Variants in CUL9 observed in about 807,000 individuals in gnomAD.
CUL9 encodes the protein cullin-9.
A neutral mutation model predicts 272.6 loss-of-function variants in CUL9; 79 were observed. The ratio of observed to expected loss-of-function variants is 0.29; its 90% CI spans 0.24 to 0.35. The LOEUF is 0.35. CUL9 is among the 10% of genes least tolerant of loss of function. The probability of loss-of-function intolerance (pLI) is 1.00; values close to 1 mark genes in which losing one functional copy is unlikely to be tolerated. For missense variants in CUL9, 2,532 were observed against 3,255.6 expected, an observed-to-expected ratio of 0.78 and a Z score of 5.41; for synonymous variants, 1,186 against 1,286.5, an observed-to-expected ratio of 0.92 and a Z score of 1.67.
At chr6:43,192,900 C>G in intron 8 of CUL9, 101 bp from the exon 9 acceptor site, 1 of 1,002,660 alleles carries the variant, frequency 1.0e-6, no homozygotes, top group Non-Finnish European at 1.5e-6. Context: ...TGGACTAGAT[C>G]TTGGTGGATG....
In CUL9 at chr6:43,200,971, C is replaced by CA. The variant is rs1774474177; in HGVS notation, c.3647+138dup. On this transcript the variant is annotated intron_variant, in intron 16 of 40. Coordinates refer to ENST00000252050, the MANE Select transcript of CUL9 (RefSeq NM_015089.4). The surrounding 1 kb of genome is among the most constrained non-coding windows in gnomAD (Gnocchi z 4.0). ...CTATTTTGTGCAGTGAACACATAGA[C>CA]ACATTGACCTGCCTTTGCTGAGTAT... is the stretch of plus-strand genomic sequence containing the variant. The CA allele has an allele frequency of 9.3e-7, 1 of 1,078,562 alleles. No individual in the cohort carries two copies. The highest frequency in any genetic ancestry group is 1.6e-5 in the African/African-American group (1 of 64,388). The allele number at this position is 1,078,562 out of a possible 1,614,324, so 66.8% of individuals were successfully genotyped here.
chr6:43,188,575 T>C lies in CUL9; in HGVS notation c.2040T>C (p.His680=), dbSNP rs778781088. ...GPGPRSSLDQ[H]VAAVVATVQI... ...GTCCTCGCAGCTCCCTGGATCAGCA[T>C]GTGGCAGCGGTCGTGGCCACTGTGC... The change falls in exon 8 of 41, where the codon CAT becomes CAC. Residue 680 remains histidine (H), a synonymous_variant. Transcript: ENST00000252050. The C allele has an allele frequency of 1.4e-5, 23 of 1,614,136 alleles. No homozygotes were observed. Among genetic ancestry groups the C allele is most frequent in the East Asian group, 1.3e-4 (6 of 44,890 alleles).
Position 43,209,169 on chromosome 6 carries a change from G to A in CUL9, c.5212+2659G>A, listed in dbSNP as rs138053770. ...TTTCTTTTTTTTTTTTTTTGGAAAC[G>A]GAGTCTCACTGTGTCGCCCAGGCTG... On this transcript the variant is annotated intron_variant, in intron 26 of 40. Transcript: ENST00000252050. Among the ~76,000 whole-genome samples the A allele has an allele frequency of 7.1e-3, 973 of 136,722 alleles. 5 individuals carry two copies. The highest frequency in any genetic ancestry group is 0.026 in the Middle Eastern group (5 of 196). The allele number at this position is 136,722 out of a possible 152,430, so 89.7% of individuals were successfully genotyped here. A position where few individuals can be genotyped will look rare whatever the true frequency, so the allele number is the denominator to read the frequency against.
chr6:43,196,179 C>T lies in CUL9; in HGVS notation c.2499C>T (p.Ala833=), dbSNP rs770902357. ...CTCAGATGACCAGAGAGATCTTCGC[C>T]AGCATCGACTCAGCCACACGCCCGG... ...FDAQMTREIF[A]SIDSATRPGS... is the part of the protein sequence containing the mutation. The change falls in exon 10 of 41, where the codon GCC becomes GCT. Residue 833 remains alanine (A), a synonymous_variant. Transcript: ENST00000252050. The T allele has an allele frequency of 7.4e-6, 12 of 1,614,076 alleles. No individual in the cohort carries two copies. Among genetic ancestry groups the T allele is most frequent in the African/African-American group, 1.3e-5 (1 of 74,928 alleles).
At chr6:43,187,659 C>T (rs533486505) in intron 6 of CUL9, 54 bp from the exon 7 acceptor site, 962 of 1,571,232 alleles carry the variant, frequency 6.1e-4, no homozygotes, top group Non-Finnish European at 8.0e-4. Context: ...CATTACTGAC[C>T]CCAAGACCTT....
At position 43,203,335 on chromosome 6, in the gene CUL9, A is replaced by C; in HGVS notation, c.3850-82A>C. 1 of 1,594,984 alleles carries C rather than the reference A, an allele frequency of 6.3e-7. No individual in the cohort carries two copies. The highest frequency in any genetic ancestry group is 1.7e-5 in the Admixed American group (1 of 59,672). ...GGGGATGTCCTGAGCAGTTCTAGGGAGCTCAGGGCAGGAGGCTTGGCTTTG... is the reference window on the plus strand; with the variant it reads ...GGGGATGTCCTGAGCAGTTCTAGGGCGCTCAGGGCAGGAGGCTTGGCTTTG... On this transcript the variant is annotated intron_variant, in intron 18 of 40. Transcript: ENST00000252050. This position sits in a 1 kb window ranked among gnomAD's most constrained non-coding sequence, Gnocchi z 5.0.
chr6:43,196,787 A>G lies in CUL9; in HGVS notation c.2728A>G (p.Met910Val), dbSNP rs1386971475. The G allele has an allele frequency of 1.1e-5, 17 of 1,614,164 alleles. No homozygotes were observed. Among genetic ancestry groups the G allele is most frequent in the Non-Finnish European group, 1.1e-5 (13 of 1,180,028 alleles). The change falls in exon 11 of 41, where the codon ATG becomes GTG. Residue 910 changes from methionine (M) to valine (V), a missense_variant. By Grantham distance (21) the Met-to-Val change is conservative. Around this residue, in one of 3 missense-constraint regions of CUL9, gnomAD observed 2,218 missense variants for 2,788.6 expected, o/e 0.80. Coordinates refer to ENST00000252050, the MANE Select transcript of CUL9 (RefSeq NM_015089.4). Reference sequence around the variant, plus strand: ...AGGGATAGCACCAAGAACAGAACCTATGCCTACCACACGCACCATCCTCAT... The same window carrying G: ...AGGGATAGCACCAAGAACAGAACCTGTGCCTACCACACGCACCATCCTCAT... ...HSGIAPRTEP[M>V]PTTRTILMML...
chr6:43,222,017 G>GAGGGCTGGGC (rs1356446667), intron 35 of CUL9: 1 of 595,354 alleles, frequency 1.7e-6, no homozygotes, highest in Admixed American at 3.0e-5. Flanking sequence ...AAAGGCTGGG[G>GAGGGCTGGGC]AGGGCTGGGC....
At chr6:43,191,254 G>T (rs1328663879) in intron 8 of CUL9, among the ~76,000 whole-genome samples, 1 of 102,098 alleles carries the variant, frequency 9.8e-6, no homozygotes, top group Non-Finnish European at 2.0e-5. Context: ...AAATTGCATT[G>T]TGTGTGTGTG....
At chr6:43,205,179 T>C in intron 23 of CUL9, 64 bp downstream of exon 23, 2 of 1,583,882 alleles carry the variant, frequency 1.3e-6, no homozygotes, top group South Asian at 1.1e-5. Context: ...CTTTCTGCTC[T>C]GCCCTTTCAC....
At chr6:43,214,997 A>G (rs1775819370) in intron 29 of CUL9, 82 bp from the exon 30 acceptor site, 2 of 1,477,788 alleles carry the variant, frequency 1.4e-6, no homozygotes, top group East Asian at 2.3e-5. Context: ...GGGGGGAAAA[A>G]TAAGTGGCAG....
At chr6:43,208,406 A>G (rs1374282233) in intron 26 of CUL9, among the ~76,000 whole-genome samples, 1 of 152,182 alleles carries the variant, frequency 6.6e-6, no homozygotes, top group African/African-American at 2.4e-5. Flanking sequence ...AGGTTTCACC[A>G]TGTTGGCCAG....
At chr6:43,204,272 G>C in intron 20 of CUL9, 88 bp from the exon 21 acceptor site, 1 of 1,505,320 alleles carries the variant, frequency 6.6e-7, no homozygotes, top group Admixed American at 1.8e-5. Context: ...AAGCCTTTTT[G>C]TACAATTGAT....
Position 43,200,229 on chromosome 6 carries a change from C to T in CUL9, c.3384+73C>T. On this transcript the variant is annotated intron_variant, in intron 14 of 40. Coordinates refer to ENST00000252050, the MANE Select transcript of CUL9 (RefSeq NM_015089.4). This position sits in a 1 kb window ranked among gnomAD's most constrained non-coding sequence, Gnocchi z 4.0. Reference sequence around the variant, plus strand: ...CAGGAGAAGGGGATTCACTGTGTTCCTCTTTGGTATCCCTGTTTGGCACAG... The same window carrying T: ...CAGGAGAAGGGGATTCACTGTGTTCTTCTTTGGTATCCCTGTTTGGCACAG... 1 of 1,491,892 alleles carries T rather than the reference C, an allele frequency of 6.7e-7. No individual in the cohort carries two copies. The highest frequency in any genetic ancestry group is 1.2e-5 in the South Asian group (1 of 85,066). 92.4% of individuals were successfully genotyped at this position (1,491,892 alleles called of 1,614,324 possible). A position where few individuals can be genotyped will look rare whatever the true frequency, so the allele number is the denominator to read the frequency against.
chr6:43,224,176 G>A lies in CUL9; in HGVS notation c.7358+8G>A, dbSNP rs958930495. On this transcript the variant is annotated splice_region_variant and intron_variant, in intron 40 of 40. Coordinates refer to ENST00000252050, the MANE Select transcript of CUL9 (RefSeq NM_015089.4). The surrounding 1 kb of genome is among the most constrained non-coding windows in gnomAD (Gnocchi z 4.2). ...CAACATGCCTGGCAGTCAGTAAGTG[G>A]GGTGGGCAGAGCCATGGAGGAGGCA... The A allele has an allele frequency of 6.2e-7, 1 of 1,614,114 alleles. No individual in the cohort carries two copies. The highest frequency in any genetic ancestry group is 1.3e-5 in the African/African-American group (1 of 74,946).
rs59921107 is a variant in CUL9 at position 43,183,705 on chromosome 6, TCTTCCTTC to T, written c.-9-570_-9-563del. On this transcript the variant is annotated intron_variant, in intron 1 of 40. Coordinates refer to ENST00000252050, the MANE Select transcript of CUL9 (RefSeq NM_015089.4). ...TTTTGTAAACTCCCCTTCCTTCCTT[TCTTCCTTC>T]CTTCCTTCCTTCCTTCCTTCCTTCC... is the stretch of plus-strand genomic sequence containing the variant. Among the ~76,000 whole-genome samples the T allele has an allele frequency of 3.6e-3, 537 of 147,238 alleles. 2 individuals are homozygous for T. Among genetic ancestry groups the T allele is most frequent in the African/African-American group, 0.012 (467 of 39,468 alleles).
chr6:43,193,927 T>C (rs1419554074), intron 9 of CUL9, among the ~76,000 whole-genome samples: 1 of 152,224 alleles, frequency 6.6e-6, no homozygotes, highest in East Asian at 1.9e-4. Context: ...AAAGTATTTT[T>C]TTTTCCTCTT....
At position 43,221,390 on chromosome 6, in the gene CUL9, G is replaced by T. The variant is rs1562064173; in HGVS notation, c.6752+69G>T. ...GGAGGAGGCCTGGCAGAAGGAGGGGGGAACGGGCTTAGTGTAAAGCTCAGC... is the reference window on the plus strand; with the variant it reads ...GGAGGAGGCCTGGCAGAAGGAGGGGTGAACGGGCTTAGTGTAAAGCTCAGC... On this transcript the variant is annotated intron_variant, in intron 34 of 40. Coordinates refer to ENST00000252050, the MANE Select transcript of CUL9 (RefSeq NM_015089.4). The surrounding 1 kb of genome is among the most constrained non-coding windows in gnomAD (Gnocchi z 4.2). 6.8e-6 allele frequency: 7 copies of T among 1,027,020 alleles called. No homozygotes were observed. The highest frequency in any genetic ancestry group is 8.6e-6 in the Non-Finnish European group (6 of 695,166). 63.6% of individuals were successfully genotyped at this position (1,027,020 alleles called of 1,614,324 possible). A position where few individuals can be genotyped will look rare whatever the true frequency, so the allele number is the denominator to read the frequency against.
Position 43,213,860 on chromosome 6 carries a change from T to G in CUL9, c.5636T>G (p.Ile1879Ser). The change falls in exon 29 of 41, where the codon ATT becomes AGT. Residue 1879 changes from isoleucine to serine, a missense_variant. By Grantham distance (142) the Ile-to-Ser change is moderately radical. Transcript: ENST00000252050. The surrounding 1 kb of genome is among the most constrained non-coding windows in gnomAD (Gnocchi z 5.7). ...RNLLSCLLVRILKAHGEKGLH... is the reference protein window; with the variant it reads ...RNLLSCLLVRSLKAHGEKGLH... ...CTCTTGAGCTGTCTTCTTGTTCGTA[T>G]TCTCAAAGCCCATGGGGAAAAGGGC... The G allele has an allele frequency of 6.2e-7, 1 of 1,614,180 alleles. No individual in the cohort carries two copies. The highest frequency in any genetic ancestry group is 8.5e-7 in the Non-Finnish European group (1 of 1,180,034).
Sources: gnomAD v4.1 joint callset for allele counts (sites outside exome capture counted in the v4.1 genomes callset) on GRCh38, gnomAD v4.1.1 for gene constraint, gnomAD v4.1.1 regional missense constraint, Gnocchi (gnomAD v3.1) non-coding constraint, MANE v1.5 for transcripts, NCBI Gene and HGNC (gene_info 2026-07-23, HGNC 2026-07-21) for gene names.